WASHC5: variants seen among roughly 807,000 people sequenced by gnomAD.
WASHC5 encodes WASH complex subunit 5, also known as WASH complex subunit strumpellin.
In WASHC5, 101 loss-of-function variants were observed where a neutral mutation model predicts 150.4. The ratio of observed to expected loss-of-function variants is 0.67; its 90% CI spans 0.57 to 0.79. The LOEUF (loss-of-function observed/expected upper bound fraction) is 0.79, where lower values mean the gene tolerates loss of function less well. Among genes scored for constraint, WASHC5 ranks in the 30% least tolerant of loss-of-function variants. WASHC5 has a pLI of 0.00. For synonymous variants in WASHC5, 467 were observed against 491.2 expected (o/e 0.95, Z 0.65); for missense variants, 1,195 against 1,396.3 (o/e 0.86, Z 2.30).
Position 125,055,946 on chromosome 8 carries a change from T to C in WASHC5, c.2017-275A>G, listed in dbSNP as rs2303526. On this transcript the variant is annotated intron_variant, in intron 16 of 28. Transcript: ENST00000318410. ...TTGGGGCAGAATTCAATGATCTAGA[T>C]GGGCCCTTTTGGCTAGAAAAGACTA... Among the ~76,000 whole-genome samples the C allele has an allele frequency of 0.11, 16,591 of 152,168 alleles. 2,119 individuals carry two copies. The highest frequency in any genetic ancestry group is 0.31 in the African/African-American group (12,678 of 41,478).
intron 17 of WASHC5, among the ~76,000 whole-genome samples, chr8:125,051,908 CAT>C (rs1816252119): frequency 6.6e-6 from 1 of 152,088 alleles, no homozygotes; most frequent in African/African-American, 2.4e-5. Context: ...AAAGACATAA[CAT>C]AGTTTTTCAA....
chr8:125,055,553 T>A lies in WASHC5; in HGVS notation c.2097+38A>T, dbSNP rs367694231. ...CCACAAAAACCCAAACAGCTAAGAG[T>A]CATGGTGCGAGGCCACGCAGACTAA... is the stretch of plus-strand genomic sequence containing the variant. On this transcript the variant is annotated intron_variant, in intron 17 of 28. Transcript: ENST00000318410. 12 of 1,196,218 alleles carry A rather than the reference T, an allele frequency of 1.0e-5. No individual in the cohort carries two copies. In the Admixed American group the frequency reaches 1.3e-4, roughly 13 times the overall value. 74.1% of individuals were successfully genotyped at this position (1,196,218 alleles called of 1,614,324 possible).
At chr8:125,075,318 C>G (rs1817021815) in intron 7 of WASHC5, among the ~76,000 whole-genome samples, 1 of 152,070 alleles carries the variant, frequency 6.6e-6, no homozygotes, top group Admixed American at 6.5e-5. Flanking sequence ...GTATAAAGAT[C>G]TCTTTACACC....
Position 125,059,514 on chromosome 8 carries a change from T to C in WASHC5, c.1550A>G (p.Asn517Ser), listed in dbSNP as rs368546546. The change falls in exon 13 of 29, where the codon AAT (asparagine) becomes AGT (serine). Residue 517 changes from asparagine (N) to serine (S), a missense_variant. By Grantham distance (46) the Asn-to-Ser change is conservative. Transcript: ENST00000318410. ...GGCAAGAAACTGACATACTTGCAGATTGGATTCCAACTGGTGGAATTCTTG... is the reference window on the plus strand; with the variant it reads ...GGCAAGAAACTGACATACTTGCAGACTGGATTCCAACTGGTGGAATTCTTG... ...EVQEFHQLES[N>S]LQVCQFLADT... The C allele has an allele frequency of 2.7e-5, 44 of 1,613,788 alleles. No homozygotes were observed. The highest frequency in any genetic ancestry group is 1.2e-4 in the African/African-American group (9 of 74,932).
At position 125,039,845 on chromosome 8, in the gene WASHC5, A is replaced by C. The variant is rs139669979; in HGVS notation, c.2904T>G (p.Ser968=). 7 of 1,614,100 alleles carry C rather than the reference A, an allele frequency of 4.3e-6. No individual in the cohort carries two copies. In the African/African-American group the frequency reaches 9.3e-5, roughly 22 times the overall value. The change falls in exon 24 of 29, where the codon TCT becomes TCG. Residue 968 remains serine, a synonymous_variant. Coordinates refer to ENST00000318410, the MANE Select transcript of WASHC5 (RefSeq NM_014846.4). ...RQQIANELNY[S]CRFDSKHLAA... is the part of the protein sequence containing the mutation. ...CCAGATGTTTAGAATCAAACCGACA[A>C]GAATAATTTAATTCATTGGCAATCT...
intron 26 of WASHC5, among the ~76,000 whole-genome samples, chr8:125,034,685 T>G (rs1231593834): frequency 6.6e-6 from 1 of 152,160 alleles, no homozygotes; most frequent in Non-Finnish European, 1.5e-5. Context: ...CATATTTGAC[T>G]TCTTGTGAAG....
intron 5 of WASHC5, among the ~76,000 whole-genome samples, chr8:125,079,173 T>C (rs1256363795): frequency 4.3e-5 from 6 of 139,920 alleles, no homozygotes; most frequent in African/African-American, 1.6e-4. Context: ...TCGCTATGTA[T>C]GTATATATAA....
chr8:125,033,143 G>C (rs1815590112), intron 26 of WASHC5, among the ~76,000 whole-genome samples: 2 of 152,136 alleles, frequency 1.3e-5, no homozygotes, highest in Non-Finnish European at 2.9e-5. Flanking sequence ...ACCAGAGACA[G>C]AGATTAGGGT....
At chr8:125,087,727 T>C (rs1484359726) in intron 1 of WASHC5, among the ~76,000 whole-genome samples, 2 of 116,768 alleles carry the variant, frequency 1.7e-5, no homozygotes, top group African/African-American at 8.1e-5. Flanking sequence ...TGAGACCCTC[T>C]CTCAAAAAAA....
At chr8:125,055,523 A>G (rs1481425301) in intron 17 of WASHC5, 68 bp downstream of exon 17, 2 of 906,350 alleles carry the variant, frequency 2.2e-6, no homozygotes, top group African/African-American at 1.6e-5. Context: ...CACACATGAT[A>G]ATTACCACAA....
chr8:125,048,634 T>G (rs1816147801), intron 19 of WASHC5, among the ~76,000 whole-genome samples: 1 of 152,214 alleles, frequency 6.6e-6, no homozygotes, highest in Non-Finnish European at 1.5e-5. Flanking sequence ...AGTTTGGCAG[T>G]TCCTCAAGAA....
intron 1 of WASHC5, among the ~76,000 whole-genome samples, chr8:125,091,362 GGAT>G (rs1228813594): frequency 6.6e-6 from 1 of 152,156 alleles, no homozygotes; most frequent in Non-Finnish European, 1.5e-5. Context: ...AAACTTGGAA[GGAT>G]GAGATTCGGA....
At chr8:125,055,406 G>A (rs998472746) in intron 17 of WASHC5, among the ~76,000 whole-genome samples, 185 bp downstream of exon 17, 1 of 122,894 alleles carries the variant, frequency 8.1e-6, no homozygotes, top group African/African-American at 5.0e-5. Context: ...CTGGGCAACA[G>A]AGAGAGAGAG....
At chr8:125,080,375 A>T (rs1817214773) in intron 5 of WASHC5, among the ~76,000 whole-genome samples, 1 of 152,232 alleles carries the variant, frequency 6.6e-6, no homozygotes, top group Admixed American at 6.5e-5. Flanking sequence ...CATGGATGTT[A>T]AAACAGCTTG....
At chr8:125,089,684 A>G (rs1013177761) in intron 1 of WASHC5, among the ~76,000 whole-genome samples, 13 of 152,346 alleles carry the variant, frequency 8.5e-5, no homozygotes, top group South Asian at 6.2e-4. Flanking sequence ...AAGGACAGAC[A>G]GACTCAGCAC....
chr8:125,066,469 C>G (rs1229708322), intron 10 of WASHC5, among the ~76,000 whole-genome samples: 3 of 152,198 alleles, frequency 2.0e-5, no homozygotes, highest in Admixed American at 1.3e-4. Flanking sequence ...AAAACCTGAG[C>G]ATTCCCAGGT....
intron 5 of WASHC5, among the ~76,000 whole-genome samples, chr8:125,079,556 C>T (rs1275267935): frequency 6.6e-6 from 1 of 152,034 alleles, no homozygotes; most frequent in Non-Finnish European, 1.5e-5. Flanking sequence ...GGTCCATAAT[C>T]CCTTTTCCAA....
At chr8:125,041,987 G>A (rs1227407132) in intron 23 of WASHC5, among the ~76,000 whole-genome samples, 1 of 152,108 alleles carries the variant, frequency 6.6e-6, no homozygotes, top group Non-Finnish European at 1.5e-5. Context: ...CTGTGTCAAG[G>A]ATCCTCTTGA....
In WASHC5 at chr8:125,024,687, G is replaced by T; in HGVS notation, c.3424-14C>A. The T allele has an allele frequency of 1.9e-6, 3 of 1,567,782 alleles. No individual in the cohort carries two copies. The highest frequency in any genetic ancestry group is 1.3e-5 in the African/African-American group (1 of 74,096). On this transcript the variant is annotated splice_polypyrimidine_tract_variant and intron_variant, in intron 28 of 28. Transcript: ENST00000318410. ...TGCTTCAGCAACCTGAAAAATTAAA[G>T]AATTAAATTATTCATGGTGTTATAG...
Sources: gnomAD v4.1 joint callset for allele counts (sites outside exome capture counted in the v4.1 genomes callset) on GRCh38, gnomAD v4.1.1 for gene constraint, MANE v1.5 for transcripts, NCBI Gene and HGNC (gene_info 2026-07-23, HGNC 2026-07-21) for gene names.